CASQ2: variants seen among roughly 807,000 people sequenced by gnomAD.
The protein encoded by CASQ2 is calsequestrin 2.
CASQ2 carries 49 observed loss-of-function variants against 46.5 expected under a neutral mutation model. The ratio of observed to expected loss-of-function variants is 1.05; its 90% CI spans 0.84 to 1.34. CASQ2 has a LOEUF of 1.34. Among genes scored for constraint, CASQ2 ranks in the 40% most tolerant of loss-of-function variants. The probability of loss-of-function intolerance (pLI) is 0.00; values close to 1 mark genes in which losing one functional copy is unlikely to be tolerated. For missense variants in CASQ2, 486 were observed against 481.3 expected (o/e 1.01, Z -0.09); for synonymous variants, 174 against 168.5 (o/e 1.03, Z -0.25).
At chr1:115,726,226 C>T (rs1233546241) in intron 6 of CASQ2, among the ~76,000 whole-genome samples, 1 of 152,182 alleles carries the variant, frequency 6.6e-6, no homozygotes, top group African/African-American at 2.4e-5. Context: ...CCAGTGAGTC[C>T]ACTACCATGT....
At chr1:115,702,271 A>G (rs1471971818) in intron 10 of CASQ2, among the ~76,000 whole-genome samples, 1 of 151,970 alleles carries the variant, frequency 6.6e-6, no homozygotes, top group Non-Finnish European at 1.5e-5. Context: ...GGCTCTAATA[A>G]TCCTCTGTGA....
At chr1:115,703,126 C>T (rs1654261229) in intron 9 of CASQ2, 131 bp from the exon 10 acceptor site, 2 of 722,566 alleles carry the variant, frequency 2.8e-6, no homozygotes, top group Non-Finnish European at 2.5e-6. Context: ...GAGCACTTAG[C>T]AAATTGAAGA....
At chr1:115,764,802 G>A (rs1557808325) in intron 1 of CASQ2, among the ~76,000 whole-genome samples, 1 of 152,158 alleles carries the variant, frequency 6.6e-6, no homozygotes, top group Non-Finnish European at 1.5e-5. Context: ...TTCTTGCTAA[G>A]CTGTATAGAC....
intron 8 of CASQ2, 151 bp from the exon 9 acceptor site, chr1:115,705,443 A>C: frequency 1.4e-6 from 1 of 697,392 alleles, no homozygotes; most frequent in Non-Finnish European, 2.7e-6. Context: ...GTCAGATGAG[A>C]GCTCCAGGCA....
chr1:115,766,893 A>AGAT (rs1012807965), intron 1 of CASQ2, among the ~76,000 whole-genome samples: 6 of 151,764 alleles, frequency 4.0e-5, no homozygotes, highest in African/African-American at 1.5e-4. Flanking sequence ...ATAGATAGAT[A>AGAT]GATAGATAGA....
Position 115,768,568 on chromosome 1 carries a change from C to A in CASQ2, c.-27G>T. Reference sequence around the variant, plus strand: ...TGGGAAAACTTTTGTTTCTCGTTCCCAAATATGCTGTGTGCAGAATAGAGG... The same window carrying A: ...TGGGAAAACTTTTGTTTCTCGTTCCAAAATATGCTGTGTGCAGAATAGAGG... On this transcript the variant is annotated 5_prime_UTR_variant, in exon 1 of 11. Coordinates refer to ENST00000261448, the MANE Select transcript of CASQ2 (RefSeq NM_001232.4). 1.4e-6 allele frequency: 2 copies of A among 1,459,050 alleles called. No individual in the cohort carries two copies. Among genetic ancestry groups the A allele is most frequent in the Non-Finnish European group, 1.9e-6 (2 of 1,041,862 alleles). The allele number at this position is 1,459,050 out of a possible 1,614,324, so 90.4% of individuals were successfully genotyped here.
chr1:115,741,088 T>C (rs1167375747), intron 2 of CASQ2, among the ~76,000 whole-genome samples: 1 of 152,236 alleles, frequency 6.6e-6, no homozygotes, highest in African/African-American at 2.4e-5. Flanking sequence ...ACCACTGCTT[T>C]AGTTTTCCAA....
At chr1:115,720,425 A>G (rs1020483666) in intron 7 of CASQ2, among the ~76,000 whole-genome samples, 3 of 151,922 alleles carry the variant, frequency 2.0e-5, no homozygotes, top group Admixed American at 2.0e-4. Context: ...ATCTCCTCAC[A>G]CCATTACCTT....
At chr1:115,754,702 G>A (rs1331923669) in intron 1 of CASQ2, among the ~76,000 whole-genome samples, 1 of 152,202 alleles carries the variant, frequency 6.6e-6, no homozygotes, top group Non-Finnish European at 1.5e-5. Flanking sequence ...CTGGGCCTCT[G>A]AGGGACCTGG....
chr1:115,750,450 G>T (rs755665060), intron 1 of CASQ2, among the ~76,000 whole-genome samples: 20 of 152,186 alleles, frequency 1.3e-4, no homozygotes, highest in South Asian at 2.1e-4. Flanking sequence ...TTTAACCATT[G>T]CTGATTCTTT....
chr1:115,718,533 G>A (rs1175796755), intron 7 of CASQ2, among the ~76,000 whole-genome samples: 1 of 152,220 alleles, frequency 6.6e-6, no homozygotes, highest in Non-Finnish European at 1.5e-5. Context: ...CCCATGTAGT[G>A]TGTAGGGGAC....
At chr1:115,761,499 GAAGAAGAAGAAGAAGAAGAA>G in intron 1 of CASQ2, among the ~76,000 whole-genome samples, 2 of 89,632 alleles carry the variant, frequency 2.2e-5, no homozygotes, top group Non-Finnish European at 4.6e-5. Flanking sequence ...AGAAGAAGGA[GAAGAAGAAGAAGAAGAAGAA>G]GAAGAAGAAG....
intron 7 of CASQ2, among the ~76,000 whole-genome samples, chr1:115,719,814 C>G (rs1005143951): frequency 6.6e-6 from 1 of 152,106 alleles, no homozygotes; most frequent in African/African-American, 2.4e-5. Flanking sequence ...AATCCCACAG[C>G]CTTTGCTACC....
rs566580427 is a variant in CASQ2, at chr1:115,727,216, C to G, written c.607-94G>C. 5.3e-4 allele frequency: 527 copies of G among 993,518 alleles called. 1 individual carries two copies. Among genetic ancestry groups the G allele is most frequent in the Middle Eastern group, 3.3e-3 (12 of 3,658 alleles). 61.5% of individuals were successfully genotyped at this position (993,518 alleles called of 1,614,324 possible). ...TAAGATAAGTGTGTATGTTTTCCGG[C>G]AAAGACATAAAAACAGATGTACAGT... On this transcript the variant is annotated intron_variant, in intron 5 of 10. Coordinates refer to ENST00000261448, the MANE Select transcript of CASQ2 (RefSeq NM_001232.4).
intron 3 of CASQ2, among the ~76,000 whole-genome samples, chr1:115,740,296 T>C (rs1648131786): frequency 6.6e-6 from 1 of 152,190 alleles, no homozygotes; most frequent in Admixed American, 6.5e-5. Context: ...TGGGGGGCTG[T>C]TTAGCTCTGT....
At chr1:115,712,263 G>A (rs1654572873) in intron 8 of CASQ2, among the ~76,000 whole-genome samples, 1 of 152,188 alleles carries the variant, frequency 6.6e-6, no homozygotes, top group South Asian at 2.1e-4. Context: ...GGGCCCCACA[G>A]CTATGAGACG....
At chr1:115,764,939 G>C (rs1173741948) in intron 1 of CASQ2, among the ~76,000 whole-genome samples, 5 of 152,180 alleles carry the variant, frequency 3.3e-5, no homozygotes, top group African/African-American at 1.2e-4. Context: ...CCTTGACTAA[G>C]TAGGGACAAA....
Position 115,700,661 on chromosome 1 carries a change from A to T in CASQ2, c.*580T>A, listed in dbSNP as rs1654178070. 1 of 223,186 alleles carries T rather than the reference A, an allele frequency of 4.5e-6. No individual in the cohort carries two copies. The highest frequency in any genetic ancestry group is 2.3e-5 in the African/African-American group (1 of 43,842). 13.8% of individuals were successfully genotyped at this position (223,186 alleles called of 1,614,324 possible). On this transcript the variant is annotated 3_prime_UTR_variant, in exon 11 of 11. Coordinates refer to ENST00000261448, the MANE Select transcript of CASQ2 (RefSeq NM_001232.4). ...AATATCCAAGTTCATAGTGATATGA[A>T]TGACCATCACTTGAAATAAGTTTAA... is the stretch of plus-strand genomic sequence containing the variant.
Position 115,725,556 on chromosome 1 carries a change from G to GTA in CASQ2, c.738-4_738-3insTA. On this transcript the variant is annotated splice_region_variant and splice_polypyrimidine_tract_variant and intron_variant, in intron 6 of 10. Coordinates refer to ENST00000261448, the MANE Select transcript of CASQ2 (RefSeq NM_001232.4). The stretch of plus-strand genomic sequence containing the variant: ...GGCGCAGGCGACGTAGAGTGGGTCT[G>GTA]GAAAAAAAAAAAAAAAAAAAAAAAG... The GTA allele has an allele frequency of 8.8e-7, 1 of 1,139,558 alleles. No individual in the cohort carries two copies. The highest frequency in any genetic ancestry group is 1.2e-6 in the Non-Finnish European group (1 of 832,454). 70.6% of individuals were successfully genotyped at this position (1,139,558 alleles called of 1,614,324 possible).
Sources: gnomAD v4.1 joint callset for allele counts (sites outside exome capture counted in the v4.1 genomes callset) on GRCh38, gnomAD v4.1.1 for gene constraint, MANE v1.5 for transcripts, NCBI Gene and HGNC (gene_info 2026-07-23, HGNC 2026-07-21) for gene names.